Variants in PEX5L observed in about 807,000 individuals in gnomAD.
The protein encoded by PEX5L is peroxisomal biogenesis factor 5 like.
Under a neutral mutation model 84.0 loss-of-function variants are expected in PEX5L, and 30 were observed. The observed-to-expected ratio is 0.36, with a 90% CI of 0.27 to 0.48. The LOEUF (loss-of-function observed/expected upper bound fraction) is 0.48. PEX5L is among the 20% of genes least tolerant of loss of function. The pLI is 0.99. For synonymous variants in PEX5L, 270 were observed against 283.1 expected (o/e 0.95, Z 0.46); for missense variants, 533 against 754.6 (o/e 0.71, Z 3.44).
intron 2 of PEX5L, among the ~76,000 whole-genome samples, chr3:179,941,540 C>A (rs1776093758): frequency 6.6e-6 from 1 of 152,132 alleles, no homozygotes; most frequent in Non-Finnish European, 1.5e-5. Flanking sequence ...GACTGAGAAT[C>A]AGGGAAGGTA....
Position 179,799,454 on chromosome 3 carries a change from T to G in PEX5L, c.*2374A>C, listed in dbSNP as rs559822820. The G allele has an allele frequency of 4.1e-4, 63 of 152,308 alleles. No homozygotes were observed. The highest frequency in any genetic ancestry group is 1.4e-3 in the African/African-American group (57 of 41,564). 9.4% of individuals were successfully genotyped at this position (152,308 alleles called of 1,614,324 possible). A position where few individuals can be genotyped will look rare whatever the true frequency, so the allele number is the denominator to read the frequency against. On this transcript the variant is annotated 3_prime_UTR_variant, in exon 15 of 15. Coordinates refer to ENST00000467460, the MANE Select transcript of PEX5L (RefSeq NM_016559.3). Reference sequence around the variant, plus strand: ...CCCTAAAACAGCTCCTTGGAGTTTGTGTTCCAATAGCAAAATAAAACTTGG... The same window carrying G: ...CCCTAAAACAGCTCCTTGGAGTTTGGGTTCCAATAGCAAAATAAAACTTGG...
intron 1 of PEX5L, among the ~76,000 whole-genome samples, chr3:179,996,255 T>C (rs1206726292): frequency 6.6e-6 from 1 of 152,152 alleles, no homozygotes; most frequent in Non-Finnish European, 1.5e-5. Flanking sequence ...CTAATTTATA[T>C]ATGCAGAAAT....
intron 8 of PEX5L, among the ~76,000 whole-genome samples, chr3:179,848,446 G>A (rs1577561062): frequency 1.3e-5 from 2 of 151,586 alleles, no homozygotes; most frequent in East Asian, 3.9e-4. Flanking sequence ...AGCTACTCAG[G>A]AGGCTGAGGT....
chr3:179,851,338 C>T (rs1327531648), intron 8 of PEX5L, among the ~76,000 whole-genome samples: 2 of 152,148 alleles, frequency 1.3e-5, no homozygotes, highest in Non-Finnish European at 2.9e-5. Context: ...TTGCTCTATC[C>T]TTACATGTTT....
At chr3:179,905,072 C>G (rs565934747) in intron 2 of PEX5L, among the ~76,000 whole-genome samples, 1 of 152,308 alleles carries the variant, frequency 6.6e-6, no homozygotes, top group East Asian at 1.9e-4. Flanking sequence ...TGCATGTGCT[C>G]AAACAGCAGC....
chr3:179,812,669 A>C (rs1478957636), intron 10 of PEX5L, among the ~76,000 whole-genome samples: 1 of 152,064 alleles, frequency 6.6e-6, no homozygotes. Context: ...AAAGTTTTTA[A>C]CACAGCAAAT....
chr3:180,003,509 C>T (rs1307320747), intron 1 of PEX5L, among the ~76,000 whole-genome samples: 1 of 151,796 alleles, frequency 6.6e-6, no homozygotes, highest in African/African-American at 2.4e-5. Flanking sequence ...AAATAAAATG[C>T]CACAAACATA....
At chr3:180,005,200 C>T (rs1247191804) in intron 1 of PEX5L, among the ~76,000 whole-genome samples, 1 of 152,090 alleles carries the variant, frequency 6.6e-6, no homozygotes, top group Non-Finnish European at 1.5e-5. Flanking sequence ...CATCAAATTG[C>T]TACTTCTGAA....
At chr3:179,840,231 C>A (rs576133841) in intron 8 of PEX5L, among the ~76,000 whole-genome samples, 1 of 138,822 alleles carries the variant, frequency 7.2e-6, no homozygotes, top group South Asian at 2.4e-4. Flanking sequence ...TCTTGTCTCC[C>A]AGGTTGGAGT....
intron 2 of PEX5L, among the ~76,000 whole-genome samples, chr3:179,935,244 G>A (rs1033424068): frequency 6.6e-6 from 1 of 152,138 alleles, no homozygotes; most frequent in African/African-American, 2.4e-5. Context: ...CAGAATTAAA[G>A]TGTACATGCA....
chr3:179,945,901 C>T (rs1777405749), intron 2 of PEX5L, among the ~76,000 whole-genome samples: 1 of 152,098 alleles, frequency 6.6e-6, no homozygotes, highest in Non-Finnish European at 1.5e-5. Flanking sequence ...TGTGTGGTTG[C>T]AGAGGGAAAT....
At chr3:179,830,909 G>A (rs1356670897) in intron 8 of PEX5L, among the ~76,000 whole-genome samples, 9 of 152,136 alleles carry the variant, frequency 5.9e-5, no homozygotes, top group Non-Finnish European at 1.3e-4. Flanking sequence ...TCCATTTTCA[G>A]TCACTTGCCT....
intron 2 of PEX5L, among the ~76,000 whole-genome samples, chr3:179,918,925 A>G (rs1443731297): frequency 2.6e-5 from 4 of 152,202 alleles, no homozygotes; most frequent in Non-Finnish European, 5.9e-5. Flanking sequence ...TGAAAAGATA[A>G]GATTTTTTCA....
At chr3:179,894,882 G>A (rs1448438297) in intron 3 of PEX5L, among the ~76,000 whole-genome samples, 1 of 151,938 alleles carries the variant, frequency 6.6e-6, no homozygotes, top group Non-Finnish European at 1.5e-5. Flanking sequence ...TAGGAGATAT[G>A]GTCAAAAACA....
At chr3:179,898,713 G>T (rs1354537428) in intron 2 of PEX5L, among the ~76,000 whole-genome samples, 2 of 152,050 alleles carry the variant, frequency 1.3e-5, no homozygotes, top group Non-Finnish European at 2.9e-5. Context: ...TGCCATTTTT[G>T]AGTGGATTGG....
intron 14 of PEX5L, among the ~76,000 whole-genome samples, chr3:179,803,561 A>G (rs1719958301): frequency 6.6e-6 from 1 of 152,168 alleles, no homozygotes; most frequent in Non-Finnish European, 1.5e-5. Context: ...TGCCCTCTTC[A>G]GCAGCCCCAT....
chr3:179,818,570 A>C (rs2108916167), intron 9 of PEX5L, among the ~76,000 whole-genome samples: 1 of 152,218 alleles, frequency 6.6e-6, no homozygotes, highest in Non-Finnish European at 1.5e-5. Flanking sequence ...TGTACCCATT[A>C]ACCATCCCCA....
intron 3 of PEX5L, 143 bp downstream of exon 3, chr3:179,897,999 T>G: frequency 2.1e-6 from 1 of 467,932 alleles, no homozygotes; most frequent in South Asian, 5.9e-5. Flanking sequence ...GGTTTTCATC[T>G]ATATTTGTAT....
At chr3:179,993,792 C>T (rs1456807299) in intron 1 of PEX5L, among the ~76,000 whole-genome samples, 12 of 152,102 alleles carry the variant, frequency 7.9e-5, no homozygotes, top group Admixed American at 7.2e-4. Context: ...CATGAGCCAC[C>T]GCATCCGGCT....
Sources: gnomAD v4.1 joint callset for allele counts (sites outside exome capture counted in the v4.1 genomes callset) on GRCh38, gnomAD v4.1.1 for gene constraint, MANE v1.5 for transcripts, NCBI Gene and HGNC (gene_info 2026-07-23, HGNC 2026-07-21) for gene names.